Variants in PPP3CB observed in about 807,000 individuals in gnomAD.
The protein encoded by PPP3CB is serine/threonine-protein phosphatase 2B catalytic subunit beta isoform.
PPP3CB carries 8 observed loss-of-function variants against 66.4 expected under a neutral mutation model. The ratio of observed to expected loss-of-function variants is 0.12; its 90% CI spans 0.07 to 0.22. PPP3CB has a LOEUF of 0.22. Ranked by LOEUF, PPP3CB falls within the 10% of genes least tolerant of loss-of-function variation. The pLI is 1.00. For missense variants in PPP3CB, 319 were observed against 642.5 expected (o/e 0.50, Z 5.44); for synonymous variants, 208 against 221.2 (o/e 0.94, Z 0.53).
intron 10 of PPP3CB, 33 bp downstream of exon 10, chr10:73,454,379 T>TAAA: frequency 1.7e-6 from 2 of 1,206,110 alleles, no homozygotes. Flanking sequence ...CATTTCACAG[T>TAAA]AAAAAAAAAA....
chr10:73,469,601 T>G (rs1013678504), intron 8 of PPP3CB, among the ~76,000 whole-genome samples: 1 of 152,194 alleles, frequency 6.6e-6, no homozygotes, highest in Non-Finnish European at 1.5e-5. Context: ...GAAGTCATAT[T>G]TCATAAGATA....
At chr10:73,450,979 T>C (rs1199518933) in intron 10 of PPP3CB, among the ~76,000 whole-genome samples, 2 of 152,114 alleles carry the variant, frequency 1.3e-5, no homozygotes, top group African/African-American at 4.8e-5. Flanking sequence ...ATATATAAAA[T>C]CTTCTCATTA....
rs1012548863 is a variant in PPP3CB, at chr10:73,436,952, T to C, written c.*1290A>G. ...CAAACAAAACAATAGATGGTTCCGC[T>C]GCCTGGAGCTCTGAGTTGTATTCCA... On this transcript the variant is annotated 3_prime_UTR_variant, in exon 14 of 14. Transcript: ENST00000360663. 3.3e-5 allele frequency: 5 copies of C among 152,700 alleles called. No homozygotes were observed. The highest frequency in any genetic ancestry group is 1.2e-4 in the African/African-American group (5 of 41,476). The allele number at this position is 152,700 out of a possible 1,614,324, so 9.5% of individuals were successfully genotyped here.
intron 11 of PPP3CB, among the ~76,000 whole-genome samples, chr10:73,445,360 T>C (rs995648982): frequency 6.6e-6 from 1 of 152,242 alleles, no homozygotes; most frequent in East Asian, 1.9e-4. Context: ...GGAAAAGAGA[T>C]ACCAAAGATG....
chr10:73,495,939 G>T lies in PPP3CB; in HGVS notation c.-50C>A. The T allele has an allele frequency of 9.3e-7, 1 of 1,078,700 alleles. No homozygotes were observed. Among genetic ancestry groups the T allele is most frequent in the African/African-American group, 1.6e-5 (1 of 60,898 alleles). The allele number at this position is 1,078,700 out of a possible 1,614,324, so 66.8% of individuals were successfully genotyped here. On this transcript the variant is annotated 5_prime_UTR_variant, in exon 1 of 14. Coordinates refer to ENST00000360663, the MANE Select transcript of PPP3CB (RefSeq NM_021132.4). ...TCTGGGCCGGGCGGGGTTGGGGGCGGGGGCGGCGGCTACCAGAGCCAAGCG... is the reference window on the plus strand; with the variant it reads ...TCTGGGCCGGGCGGGGTTGGGGGCGTGGGCGGCGGCTACCAGAGCCAAGCG...
chr10:73,457,361 A>T (rs1432494974), intron 9 of PPP3CB, among the ~76,000 whole-genome samples: 1 of 148,860 alleles, frequency 6.7e-6, no homozygotes, highest in East Asian at 2.0e-4. Context: ...GCCTGAGTCC[A>T]GGAGTTTGAG....
intron 11 of PPP3CB, among the ~76,000 whole-genome samples, chr10:73,445,515 C>T (rs754307931): frequency 4.6e-5 from 7 of 152,074 alleles, no homozygotes; most frequent in Non-Finnish European, 5.9e-5. Context: ...GGCACAATCA[C>T]GGCTCACTAC....
chr10:73,453,713 A>C (rs2056380629), intron 10 of PPP3CB, among the ~76,000 whole-genome samples: 1 of 152,230 alleles, frequency 6.6e-6, no homozygotes, highest in Admixed American at 6.5e-5. Flanking sequence ...TATGGAAGGG[A>C]ATCGTTTTCA....
chr10:73,471,799 T>C (rs925947897), intron 4 of PPP3CB, among the ~76,000 whole-genome samples, 186 bp from the exon 5 acceptor site: 3 of 152,088 alleles, frequency 2.0e-5, no homozygotes, highest in Non-Finnish European at 2.9e-5. Context: ...GACAGACAGA[T>C]GGCAAGAAAA....
intron 1 of PPP3CB, among the ~76,000 whole-genome samples, chr10:73,486,019 C>T (rs1426827333): frequency 6.6e-6 from 1 of 151,716 alleles, no homozygotes; most frequent in Admixed American, 6.6e-5. Flanking sequence ...AACATGAGCT[C>T]ACTGCAACCT....
intron 1 of PPP3CB, among the ~76,000 whole-genome samples, chr10:73,480,378 G>A (rs1183593671): frequency 6.7e-6 from 1 of 149,616 alleles, no homozygotes; most frequent in Admixed American, 6.7e-5. Flanking sequence ...CACCTAAACT[G>A]TTTGAGATAC....
Position 73,479,344 on chromosome 10 carries a change from T to C in PPP3CB, c.259A>G (p.Met87Val), listed in dbSNP as rs1194657674. 3.7e-6 allele frequency: 6 copies of C among 1,614,128 alleles called. No homozygotes were observed. The highest frequency in any genetic ancestry group is 1.1e-5 in the South Asian group (1 of 91,080). Residue 87 changes from methionine to valine, a missense_variant, in exon 2 of 14, where the codon ATG becomes GTG. Transcript: ENST00000360663. ...GTGATTGGAGCTTCTACTTCTATCA[T>C]GGTTTTCTCTCTCCGAAGGATGGCA... is the stretch of plus-strand genomic sequence containing the variant. Reference protein sequence around the residue: ...GAAILRREKTMIEVEAPITVC... With the variant: ...GAAILRREKTVIEVEAPITVC...
At chr10:73,480,729 G>C (rs1474805737) in intron 1 of PPP3CB, among the ~76,000 whole-genome samples, 2 of 152,144 alleles carry the variant, frequency 1.3e-5, no homozygotes, top group African/African-American at 4.8e-5. Context: ...ACACGCATGA[G>C]CCACTGCACC....
chr10:73,482,939 C>T (rs750559932), intron 1 of PPP3CB, among the ~76,000 whole-genome samples: 3 of 152,056 alleles, frequency 2.0e-5, no homozygotes, highest in Non-Finnish European at 4.4e-5. Flanking sequence ...TACTTCCTAA[C>T]AACCAACAAC....
intron 12 of PPP3CB, among the ~76,000 whole-genome samples, chr10:73,440,995 T>C (rs2056137671): frequency 6.6e-6 from 1 of 152,218 alleles, no homozygotes. Flanking sequence ...TGGTTTACAA[T>C]ATTGTCCATT....
rs537755010 is a variant in PPP3CB at position 73,466,708 on chromosome 10, A to G, written c.1108+845T>C. 2.6e-5 allele frequency among the ~76,000 whole-genome samples: 4 copies of G among 152,320 alleles called. No homozygotes were observed. In the South Asian group the frequency reaches 8.3e-4, roughly 32 times the overall value. ...ATTAATTCTGAATTTCAGAACTACA[A>G]ATTGCCTTGGCAGAAGTGACGTATC... is the stretch of plus-strand genomic sequence containing the variant. On this transcript the variant is annotated intron_variant, in intron 9 of 13. Coordinates refer to ENST00000360663, the MANE Select transcript of PPP3CB (RefSeq NM_021132.4).
chr10:73,468,521 A>G (rs1292319601), intron 8 of PPP3CB, among the ~76,000 whole-genome samples: 4 of 152,204 alleles, frequency 2.6e-5, no homozygotes, highest in Non-Finnish European at 5.9e-5. Context: ...AACAGGACTA[A>G]TATGTCTACC....
chr10:73,446,641 T>C (rs1383041440), intron 10 of PPP3CB, 68 bp from the exon 11 acceptor site: 9 of 1,427,784 alleles, frequency 6.3e-6, no homozygotes, highest in Non-Finnish European at 7.9e-6. Flanking sequence ...AATATTCTAT[T>C]AGCCTGTTCC....
At chr10:73,491,828 G>C (rs933839264) in intron 1 of PPP3CB, among the ~76,000 whole-genome samples, 6 of 152,186 alleles carry the variant, frequency 3.9e-5, no homozygotes, top group Admixed American at 2.6e-4. Context: ...TTAGCCGGGC[G>C]TGGTGGCACA....
Sources: allele counts gnomAD v4.1 joint callset (sites outside exome capture counted in the v4.1 genomes callset), GRCh38; gene constraint gnomAD v4.1.1; transcripts MANE v1.5; gene names NCBI Gene and HGNC (gene_info 2026-07-23, HGNC 2026-07-21).